The following CAMKMT variants were observed in gnomAD, a reference collection of about 807,000 sequenced individuals.
CAMKMT encodes calmodulin-lysine N-methyltransferase.
A neutral mutation model predicts 48.0 loss-of-function variants in CAMKMT; 53 were observed. That is an observed-to-expected ratio of 1.10 (90% CI 0.89 to 1.39). The LOEUF (loss-of-function observed/expected upper bound fraction) is 1.39. CAMKMT is among the 40% of genes most tolerant of loss of function. CAMKMT has a pLI of 0.00. For missense variants in CAMKMT, 428 were observed against 402.7 expected (o/e 1.06, Z -0.54); for synonymous variants, 165 against 152.3 (o/e 1.08, Z -0.61).
intron 3 of CAMKMT, among the ~76,000 whole-genome samples, chr2:44,608,857 T>G (rs1671445684): frequency 1.3e-5 from 2 of 152,200 alleles, no homozygotes; most frequent in South Asian, 4.1e-4. Flanking sequence ...TATTCCCTTG[T>G]GGGTATTGCT....
chr2:44,521,840 G>C (rs1671129935), intron 3 of CAMKMT, among the ~76,000 whole-genome samples: 1 of 144,912 alleles, frequency 6.9e-6, no homozygotes, highest in Non-Finnish European at 1.5e-5. Context: ...GGGCAATAGA[G>C]CAAGATTCTG....
chr2:44,679,229 C>T (rs1027899285), intron 3 of CAMKMT, among the ~76,000 whole-genome samples: 1 of 152,148 alleles, frequency 6.6e-6, no homozygotes, highest in African/African-American at 2.4e-5. Context: ...TGCCTATTCT[C>T]TTTTGTCCCT....
intron 2 of CAMKMT, among the ~76,000 whole-genome samples, chr2:44,379,203 G>A (rs1017238673): frequency 2.0e-5 from 3 of 152,072 alleles, no homozygotes; most frequent in African/African-American, 4.8e-5. Flanking sequence ...TTCACTGAGC[G>A]TAATCTTTTT....
chr2:44,522,781 A>G (rs114588579), intron 3 of CAMKMT, among the ~76,000 whole-genome samples: 2,788 of 152,186 alleles, frequency 0.018, 47 homozygotes, highest in Admixed American at 0.033. Flanking sequence ...ATTACCTCTA[A>G]ATTTTGTTTG....
intron 3 of CAMKMT, among the ~76,000 whole-genome samples, chr2:44,504,390 A>T (rs903571482): frequency 2.6e-5 from 4 of 152,140 alleles, no homozygotes; most frequent in African/African-American, 9.7e-5. Context: ...ATTTATGTTT[A>T]ATTCTTTATT....
At chr2:44,675,087 A>G (rs1996345) in intron 3 of CAMKMT, among the ~76,000 whole-genome samples, 46,740 of 123,188 alleles carry the variant, frequency 0.38, 7,725 homozygotes, top group Non-Finnish European at 0.44. Flanking sequence ...AAGGGGGGGA[A>G]AAAAAAAAAG....
At chr2:44,508,651 GA>G (rs1430663889) in intron 3 of CAMKMT, among the ~76,000 whole-genome samples, 1 of 152,124 alleles carries the variant, frequency 6.6e-6, no homozygotes, top group Non-Finnish European at 1.5e-5. Flanking sequence ...GTTTGGCCTG[GA>G]TAGATTGAAT....
intron 3 of CAMKMT, among the ~76,000 whole-genome samples, chr2:44,512,963 C>T (rs982359652): frequency 6.6e-6 from 1 of 152,162 alleles, no homozygotes; most frequent in Admixed American, 6.5e-5. Context: ...AACAAAATAT[C>T]TATTTAATTA....
chr2:44,449,744 C>A (rs1667192484), intron 3 of CAMKMT, among the ~76,000 whole-genome samples: 1 of 152,076 alleles, frequency 6.6e-6, no homozygotes, highest in Admixed American at 6.6e-5. Flanking sequence ...ACACTATTAA[C>A]AAGTATCTGA....
At chr2:44,544,689 C>T (rs1667300780) in intron 3 of CAMKMT, among the ~76,000 whole-genome samples, 1 of 152,182 alleles carries the variant, frequency 6.6e-6, no homozygotes, top group Admixed American at 6.5e-5. Context: ...AATTTTAGAT[C>T]AGCCAAGTAA....
At chr2:44,742,596 G>A (rs1029954251) in intron 7 of CAMKMT, among the ~76,000 whole-genome samples, 3 of 152,160 alleles carry the variant, frequency 2.0e-5, no homozygotes, top group Non-Finnish European at 2.9e-5. Flanking sequence ...GCTGCCCAGC[G>A]TGTGTAGGTA....
At chr2:44,658,626 T>C (rs1558776217) in intron 3 of CAMKMT, among the ~76,000 whole-genome samples, 1 of 152,214 alleles carries the variant, frequency 6.6e-6, no homozygotes, top group Admixed American at 6.5e-5. Flanking sequence ...GTAGACAATC[T>C]ATCTACCCTC....
At chr2:44,730,776 A>G (rs343970) in intron 7 of CAMKMT, among the ~76,000 whole-genome samples, 27,591 of 152,178 alleles carry the variant, frequency 0.18, 2,571 homozygotes, top group South Asian at 0.23. Context: ...TGACTTGAAC[A>G]CTGTAAACAC....
intron 3 of CAMKMT, among the ~76,000 whole-genome samples, chr2:44,632,082 C>T (rs1258092713): frequency 6.6e-6 from 1 of 151,924 alleles, no homozygotes; most frequent in Non-Finnish European, 1.5e-5. Flanking sequence ...GGTTAATTTT[C>T]CTTGAAAGCA....
intron 3 of CAMKMT, among the ~76,000 whole-genome samples, chr2:44,492,103 G>A (rs553202784): frequency 1.3e-5 from 2 of 152,154 alleles, no homozygotes; most frequent in African/African-American, 4.8e-5. Flanking sequence ...AAAAAAGGCA[G>A]GGGTTGAACA....
At chr2:44,451,194 G>C (rs967796458) in intron 3 of CAMKMT, among the ~76,000 whole-genome samples, 2 of 151,968 alleles carry the variant, frequency 1.3e-5, no homozygotes, top group African/African-American at 4.8e-5. Context: ...CATAGCAAAA[G>C]AAACACATTT....
chr2:44,503,984 G>GGGGA (rs1553404272), intron 3 of CAMKMT, among the ~76,000 whole-genome samples: 1 of 142,596 alleles, frequency 7.0e-6, no homozygotes, highest in African/African-American at 2.7e-5. Context: ...GAGCGGGTGG[G>GGGGA]GAGAGAGAGA....
intron 3 of CAMKMT, among the ~76,000 whole-genome samples, chr2:44,470,511 C>T (rs1203700296): frequency 6.6e-6 from 1 of 152,022 alleles, no homozygotes; most frequent in Non-Finnish European, 1.5e-5. Flanking sequence ...TGGTTTCTTC[C>T]CACCTGTTTG....
At chr2:44,636,387 G>C (rs1025085301) in intron 3 of CAMKMT, among the ~76,000 whole-genome samples, 2 of 152,208 alleles carry the variant, frequency 1.3e-5, no homozygotes, top group African/African-American at 4.8e-5. Flanking sequence ...TTTGGAGAAT[G>C]CATGTAAAGA....
Sources: gnomAD v4.1 joint callset for allele counts (sites outside exome capture counted in the v4.1 genomes callset) on GRCh38, gnomAD v4.1.1 for gene constraint, MANE v1.5 for transcripts, NCBI Gene and HGNC (gene_info 2026-07-23, HGNC 2026-07-21) for gene names.